The following TNR variants were observed in gnomAD, a reference collection of about 807,000 sequenced individuals.
TNR encodes tenascin-R.
A neutral mutation model predicts 150.4 loss-of-function variants in TNR; 45 were observed. That is an observed-to-expected ratio of 0.30 (90% CI 0.24 to 0.38). TNR has a LOEUF of 0.38. Among genes scored for constraint, TNR ranks in the 10% least tolerant of loss-of-function variants. TNR has a pLI of 1.00. For synonymous variants in TNR, 687 were observed against 678.4 expected (o/e 1.01, Z -0.20); for missense variants, 1,544 against 1,759.1 (o/e 0.88, Z 2.19).
At chr1:175,741,164 A>T in intron 1 of TNR, among the ~76,000 whole-genome samples, 1 of 152,356 alleles carries the variant, frequency 6.6e-6, no homozygotes, top group Admixed American at 6.5e-5. Context: ...AATGGGGAGC[A>T]ATCCATTCCT....
chr1:175,436,894 A>T (rs1004684809), intron 2 of TNR, among the ~76,000 whole-genome samples: 1 of 152,224 alleles, frequency 6.6e-6, no homozygotes, highest in African/African-American at 2.4e-5. Context: ...GTCCTTAGTG[A>T]CCTACAAAGA....
chr1:175,739,308 A>C (rs12117321), intron 1 of TNR, among the ~76,000 whole-genome samples: 27,954 of 152,144 alleles, frequency 0.18, 2,725 homozygotes, highest in Middle Eastern at 0.25. Context: ...ATTCTAATTT[A>C]CTGATTAATC....
Position 175,319,494 on chromosome 1 carries a change from A to T in TNR, c.*3863T>A, listed in dbSNP as rs1009126567. The stretch of plus-strand genomic sequence containing the variant: ...TTTGGCATTGAGGTTATTGGCAACC[A>T]TGGTTCTTTAGGTCTGGCTTTGAAA... On this transcript the variant is annotated 3_prime_UTR_variant, in exon 23 of 23. Transcript: ENST00000367674. 1 of 152,334 alleles carries T rather than the reference A, an allele frequency of 6.6e-6. No individual in the cohort carries two copies. The highest frequency in any genetic ancestry group is 6.5e-5 in the Admixed American group (1 of 15,286). 9.4% of individuals were successfully genotyped at this position (152,334 alleles called of 1,614,324 possible).
intron 8 of TNR, among the ~76,000 whole-genome samples, chr1:175,383,517 A>C (rs936809758): frequency 6.6e-6 from 1 of 152,206 alleles, no homozygotes; most frequent in African/African-American, 2.4e-5. Flanking sequence ...TGGGTTTTCT[A>C]GGCTGGCTTC....
At chr1:175,472,819 TC>T (rs1219736200) in intron 2 of TNR, among the ~76,000 whole-genome samples, 2 of 152,178 alleles carry the variant, frequency 1.3e-5, no homozygotes, top group East Asian at 3.9e-4. Flanking sequence ...ACATCTACTA[TC>T]CCTGGCTGGG....
At position 175,442,096 on chromosome 1, in the gene TNR, C is replaced by T. The variant is rs145171278; in HGVS notation, c.-63-35319G>A. 1.3e-4 allele frequency among the ~76,000 whole-genome samples: 20 copies of T among 152,282 alleles called. No homozygotes were observed. The East Asian group carries it at 3.5e-3, about 26-fold the overall frequency. On this transcript the variant is annotated intron_variant, in intron 2 of 22. Coordinates refer to ENST00000367674, the MANE Select transcript of TNR (RefSeq NM_003285.3). ...ATCTGCAGAGGGGCTCCCTGTTTAT[C>T]TTCTCCCTAGCAGGGGCTCTTGAGG...
At position 175,335,715 on chromosome 1, in the gene TNR, C is replaced by A; in HGVS notation, c.3627G>T (p.Trp1209Cys). ...AAAGCAATAAGGAGGCTTTACCCAG[C>A]CAGAACTCATCCTCCACGTTCCCGA... Reference protein sequence around the residue: ...VGFGNVEDEFWLGLDNIHRIT... With the variant: ...VGFGNVEDEFCLGLDNIHRIT... Residue 1209 changes from tryptophan to cysteine, a missense_variant, in exon 20 of 23, where the codon TGG (tryptophan) becomes TGT (cysteine). By Grantham distance (215) the Trp-to-Cys change is radical. Coordinates refer to ENST00000367674, the MANE Select transcript of TNR (RefSeq NM_003285.3). 1 of 1,613,814 alleles carries A rather than the reference C, an allele frequency of 6.2e-7. No individual in the cohort carries two copies.
chr1:175,556,833 CCCTTATGTAGTCT>C (rs907587481), intron 1 of TNR: 2 of 152,492 alleles, frequency 1.3e-5, no homozygotes, highest in African/African-American at 4.8e-5. Context: ...GGTACTCATC[CCCTTATGTAGTCT>C]CCTCGCCATG....
At chr1:175,508,757 C>G (rs894049866) in intron 2 of TNR, among the ~76,000 whole-genome samples, 1 of 152,212 alleles carries the variant, frequency 6.6e-6, no homozygotes, top group African/African-American at 2.4e-5. Flanking sequence ...TGTGAACAAA[C>G]CAACTAAGCT....
chr1:175,609,196 G>A (rs930298503), intron 1 of TNR, among the ~76,000 whole-genome samples: 1 of 152,134 alleles, frequency 6.6e-6, no homozygotes, highest in Admixed American at 6.5e-5. Context: ...CAAACATAGT[G>A]GGAAGAAGAG....
chr1:175,335,724 A>G lies in TNR; in HGVS notation c.3618T>C (p.Asp1206=). Reference sequence around the variant, plus strand: ...AGGAGGCTTTACCCAGCCAGAACTCATCCTCCACGTTCCCGAAGCCAACAC... The same window carrying G: ...AGGAGGCTTTACCCAGCCAGAACTCGTCCTCCACGTTCCCGAAGCCAACAC... ...DYRVGFGNVE[D]EFWLGLDNIH... is the part of the protein sequence containing the mutation. Residue 1206 remains aspartate (D), a synonymous_variant, in exon 20 of 23, where the codon GAT becomes GAC. Coordinates refer to ENST00000367674, the MANE Select transcript of TNR (RefSeq NM_003285.3). 6.2e-7 allele frequency: 1 copy of G among 1,614,124 alleles called. No individual in the cohort carries two copies. Among genetic ancestry groups the G allele is most frequent in the Non-Finnish European group, 8.5e-7 (1 of 1,180,000 alleles).
intron 2 of TNR, among the ~76,000 whole-genome samples, chr1:175,440,552 G>GA (rs1655736182): frequency 3.3e-5 from 5 of 151,052 alleles, no homozygotes; most frequent in African/African-American, 1.2e-4. Context: ...ATAAAATAAA[G>GA]GAAAAAAAAG....
chr1:175,693,927 C>A (rs1203406163), intron 1 of TNR, among the ~76,000 whole-genome samples: 3 of 152,212 alleles, frequency 2.0e-5, no homozygotes, highest in Non-Finnish European at 4.4e-5. Context: ...ACATCAAATT[C>A]TATAAAGACT....
chr1:175,582,500 A>G (rs1571636584), intron 1 of TNR, among the ~76,000 whole-genome samples: 2 of 152,350 alleles, frequency 1.3e-5, no homozygotes, highest in East Asian at 3.9e-4. Context: ...ATCCTGAAGA[A>G]GATGGGAAGA....
intron 1 of TNR, among the ~76,000 whole-genome samples, chr1:175,706,877 T>C (rs759550459): frequency 2.0e-5 from 3 of 152,122 alleles, no homozygotes; most frequent in African/African-American, 4.8e-5. Flanking sequence ...CCGCAAGAAG[T>C]TGTAGCTTTC....
chr1:175,468,925 C>A (rs1400378339), intron 2 of TNR, among the ~76,000 whole-genome samples: 1 of 151,946 alleles, frequency 6.6e-6, no homozygotes, highest in East Asian at 1.9e-4. Flanking sequence ...GTCCAGGTGA[C>A]AGTCACTGAA....
At chr1:175,333,884 T>C (rs920591632) in intron 20 of TNR, among the ~76,000 whole-genome samples, 17 of 152,018 alleles carry the variant, frequency 1.1e-4, no homozygotes, top group African/African-American at 4.1e-4. Flanking sequence ...ACAAGGAATG[T>C]GGGGAAAGGA....
intron 2 of TNR, among the ~76,000 whole-genome samples, chr1:175,436,448 C>T (rs2102075682): frequency 6.6e-6 from 1 of 152,256 alleles, no homozygotes; most frequent in East Asian, 1.9e-4. Flanking sequence ...GAGGCTTGTG[C>T]ATTTGTCATG....
chr1:175,606,032 C>G (rs1663394871), intron 1 of TNR, among the ~76,000 whole-genome samples: 1 of 152,252 alleles, frequency 6.6e-6, no homozygotes, highest in Non-Finnish European at 1.5e-5. Flanking sequence ...TTTGCGCACT[C>G]TTTCCTTCAT....
Sources: gnomAD v4.1 joint callset for allele counts (sites outside exome capture counted in the v4.1 genomes callset) on GRCh38, gnomAD v4.1.1 for gene constraint, MANE v1.5 for transcripts, NCBI Gene and HGNC (gene_info 2026-07-23, HGNC 2026-07-21) for gene names.